The following SRFBP1 variants were observed in gnomAD, a reference collection of about 807,000 sequenced individuals.
SRFBP1 encodes serum response factor-binding protein 1.
SRFBP1 carries 47 observed loss-of-function variants against 45.5 expected under a neutral mutation model. The observed-to-expected ratio is 1.03, with a 90% CI of 0.82 to 1.32. The LOEUF (loss-of-function observed/expected upper bound fraction) is 1.32, where lower values mean the gene tolerates loss of function less well. Among genes scored for constraint, SRFBP1 ranks in the 40% most tolerant of loss-of-function variants. The pLI is 0.00. For synonymous variants in SRFBP1, 203 were observed against 166.3 expected (o/e 1.22, Z -1.70); for missense variants, 621 against 484.6 (o/e 1.28, Z -2.64).
chr5:122,028,946 G>A (rs868399731), downstream of SRFBP1, among the ~76,000 whole-genome samples: 42 of 152,292 alleles, frequency 2.8e-4, no homozygotes, highest in African/African-American at 1.0e-3. Flanking sequence ...TACAAGTACT[G>A]TTGGACTTTT....
chr5:121,998,245 G>A lies in SRFBP1; in HGVS notation c.270+3575G>A, dbSNP rs566947467. On this transcript the variant is annotated intron_variant, in intron 4 of 7. Coordinates refer to ENST00000339397, the MANE Select transcript of SRFBP1 (RefSeq NM_152546.3). ...GTTTATTGTGGCGTTATTCGCAATA[G>A]CAAAGACTTGGAACCAACCCAAATG... is the stretch of plus-strand genomic sequence containing the variant. Among the ~76,000 whole-genome samples the A allele has an allele frequency of 2.2e-4, 34 of 152,080 alleles. 1 individual carries two copies. In the South Asian group the frequency reaches 6.9e-3, roughly 31 times the overall value.
intron 5 of SRFBP1, 31 bp downstream of exon 5, chr5:122,019,372 C>G (rs765863721): frequency 1.3e-6 from 2 of 1,546,156 alleles, no homozygotes; most frequent in Non-Finnish European, 1.8e-6. Flanking sequence ...AAGCCATGTA[C>G]TTAATGTATT....
chr5:121,998,264 C>A (rs113106739), intron 4 of SRFBP1, among the ~76,000 whole-genome samples: 2 of 151,576 alleles, frequency 1.3e-5, no homozygotes, highest in African/African-American at 4.9e-5. Context: ...TGGAACCAAC[C>A]CAAATGTCCA....
chr5:122,066,612 C>T (rs1273524022), intron 2 of SRFBP1: 1 of 717,964 alleles, frequency 1.4e-6, no homozygotes, highest in Admixed American at 2.4e-5. Flanking sequence ...TGAAAACAGT[C>T]CAAACAAAAA....
chr5:122,031,155 A>G (rs1353210341), downstream of SRFBP1, among the ~76,000 whole-genome samples: 1 of 152,216 alleles, frequency 6.6e-6, no homozygotes, highest in Admixed American at 6.5e-5. Flanking sequence ...TCCAATTATT[A>G]GCACACTACT....
chr5:121,966,831 G>T (rs1334826646), intron 1 of SRFBP1, among the ~76,000 whole-genome samples: 1 of 150,602 alleles, frequency 6.6e-6, no homozygotes. Flanking sequence ...CCAGGCTGGA[G>T]TGCAGTGGCA....
At chr5:122,075,614 T>A (rs1754595010), downstream of SRFBP1, 1 of 1,009,390 alleles carries the variant, frequency 9.9e-7, no homozygotes, top group Non-Finnish European at 1.4e-6. Flanking sequence ...AAATAAAACA[T>A]CCATTATATA....
intron 4 of SRFBP1, among the ~76,000 whole-genome samples, chr5:122,008,217 AG>A (rs1753017330): frequency 6.6e-6 from 1 of 151,848 alleles, no homozygotes; most frequent in South Asian, 2.1e-4. Context: ...TCCTCAGCTG[AG>A]GGCGGTTCAG....
At chr5:122,074,302 A>C (rs990406079) in intron 2 of SRFBP1, 2 of 700,972 alleles carry the variant, frequency 2.9e-6, no homozygotes, top group African/African-American at 1.8e-5. Flanking sequence ...ATCTTCTAAA[A>C]GAGAGATTCA....
rs117599221 is a variant in SRFBP1, at chr5:122,044,713, T to C, written n.311+22306T>C. ...TTTTCTAATGGAGGTTTTTAGTTTTTTTCTTGTGACTTTGTTTAAATTCCT... is the reference window on the plus strand; with the variant it reads ...TTTTCTAATGGAGGTTTTTAGTTTTCTTCTTGTGACTTTGTTTAAATTCCT... On this transcript the variant is annotated intron_variant and non_coding_transcript_variant, in intron 2 of 2. Transcript: ENST00000504881. 4.1e-3 allele frequency among the ~76,000 whole-genome samples: 620 copies of C among 152,266 alleles called. 15 individuals carry two copies. The East Asian group carries it at 0.053, about 13-fold the overall frequency.
intron 3 of SRFBP1, among the ~76,000 whole-genome samples, chr5:121,982,526 T>G (rs2112826545): frequency 6.6e-6 from 1 of 152,072 alleles, no homozygotes; most frequent in Admixed American, 6.6e-5. Flanking sequence ...TGCCTTAAAA[T>G]ATTTTTGTCT....
intron 2 of SRFBP1, among the ~76,000 whole-genome samples, chr5:122,048,504 C>A (rs1753904977): frequency 6.6e-6 from 1 of 152,092 alleles, no homozygotes; most frequent in African/African-American, 2.4e-5. Flanking sequence ...GTCTAAAATT[C>A]TCTTTTTTTG....
chr5:122,020,698 A>C lies in SRFBP1; in HGVS notation c.963A>C (p.Glu321Asp), dbSNP rs577039914. 6.8e-6 allele frequency: 11 copies of C among 1,613,930 alleles called. No homozygotes were observed. In the South Asian group the frequency reaches 1.1e-4, roughly 16 times the overall value. ...TGTTTCTTAAAGAAGATACAGGTGA[A>C]ACTCATGGGGATACAAGAAATGACA... ...EKVFLKEDTG[E>D]THGDTRNDKI... is the part of the protein sequence containing the mutation. The change falls in exon 6 of 8, where the codon GAA (glutamate) becomes GAC (aspartate). Residue 321 changes from glutamate (E) to aspartate (D), a missense_variant. Transcript: ENST00000339397.
chr5:122,013,018 C>A (rs1490609286), intron 4 of SRFBP1, among the ~76,000 whole-genome samples: 2 of 152,098 alleles, frequency 1.3e-5, no homozygotes, highest in African/African-American at 4.8e-5. Flanking sequence ...CCACCTCTGA[C>A]TCTTGTTGTT....
chr5:122,069,042 T>C (rs17352491), intron 2 of SRFBP1, among the ~76,000 whole-genome samples: 4,345 of 152,272 alleles, frequency 0.029, 97 homozygotes, highest in Non-Finnish European at 0.042. Flanking sequence ...TATGTGACTC[T>C]GTTTTTTCAG....
chr5:122,071,563 A>G (rs1328376617), intron 2 of SRFBP1, among the ~76,000 whole-genome samples: 2 of 152,154 alleles, frequency 1.3e-5, no homozygotes, highest in African/African-American at 4.8e-5. Flanking sequence ...AACAAATACA[A>G]TCCTTGCTTT....
intron 4 of SRFBP1, among the ~76,000 whole-genome samples, chr5:121,999,197 GTTTTAAAT>G (rs1466020676): frequency 6.6e-6 from 1 of 152,034 alleles, no homozygotes; most frequent in Admixed American, 6.6e-5. Context: ...AGTTTAAAAT[GTTTTAAAT>G]TTCCTTTGAA....
chr5:122,065,821 A>C (rs1052707271), intron 2 of SRFBP1: 1 of 152,112 alleles, frequency 6.6e-6, no homozygotes. Context: ...TTTTTATGTC[A>C]GCAAGAAAAT....
chr5:122,077,623 G>A (rs760135360), downstream of SRFBP1: 8 of 1,611,598 alleles, frequency 5.0e-6, no homozygotes, highest in South Asian at 6.6e-5. The surrounding 1 kb of genome is among the most constrained non-coding windows in gnomAD (Gnocchi z 4.9). Flanking sequence ...ACCAGTGACG[G>A]GCGGTGGGCC....
Sources: gnomAD v4.1 joint callset for allele counts (sites outside exome capture counted in the v4.1 genomes callset) on GRCh38, gnomAD v4.1.1 for gene constraint, Gnocchi (gnomAD v3.1) non-coding constraint, MANE v1.5 for transcripts, NCBI Gene and HGNC (gene_info 2026-07-23, HGNC 2026-07-21) for gene names.